The following VCAM1 variants were observed in gnomAD, a reference collection of about 807,000 sequenced individuals.
VCAM1 encodes the protein vascular cell adhesion protein 1.
A neutral mutation model predicts 63.8 loss-of-function variants in VCAM1; 41 were observed. That is an observed-to-expected ratio of 0.64 (90% CI 0.50 to 0.83). The LOEUF is 0.83. VCAM1 is among the 40% of genes least tolerant of loss of function. The pLI, the probability that VCAM1 is intolerant of heterozygous loss-of-function variation, is 0.00. For missense variants in VCAM1, 798 were observed against 875.5 expected (o/e 0.91, Z 1.12); for synonymous variants, 338 against 320.7 (o/e 1.05, Z -0.58).
rs1174656904 is a variant in VCAM1, at chr1:100,734,755, A to C, written c.2046A>C (p.Thr682=). The C allele has an allele frequency of 1.4e-5, 23 of 1,613,628 alleles. No individual in the cohort carries two copies. The highest frequency in any genetic ancestry group is 1.9e-5 in the Non-Finnish European group (23 of 1,179,734). The part of the protein sequence containing the change: ...NKVGSQLRSL[T]LDVQGRENNK... Reference sequence around the variant, plus strand: ...TTGGCTCACAATTAAGAAGTTTAACACTTGATGTTCAAGGTGAGTTTGTTT... The same window carrying C: ...TTGGCTCACAATTAAGAAGTTTAACCCTTGATGTTCAAGGTGAGTTTGTTT... The change falls in exon 8 of 9, where the codon ACA becomes ACC. Residue 682 remains threonine (T), a synonymous_variant. Coordinates refer to ENST00000294728, the MANE Select transcript of VCAM1 (RefSeq NM_001078.4).
At position 100,734,677 on chromosome 1, in the gene VCAM1, A is replaced by C; in HGVS notation, c.1968A>C (p.Arg656=). 3 of 1,614,018 alleles carry C rather than the reference A, an allele frequency of 1.9e-6. No individual in the cohort carries two copies. Among genetic ancestry groups the C allele is most frequent in the Non-Finnish European group, 2.5e-6 (3 of 1,179,932 alleles). ...LKSIDGAYTI[R]KAQLKDAGVY... is the part of the protein sequence containing the mutation. ...CTATAGATGGCGCCTATACCATCCG[A>C]AAGGCCCAGTTGAAGGATGCGGGAG... Residue 656 remains arginine, a synonymous_variant, in exon 8 of 9, where the codon CGA becomes CGC. Coordinates refer to ENST00000294728, the MANE Select transcript of VCAM1 (RefSeq NM_001078.4).
In VCAM1 at chr1:100,734,625, C is replaced by G; in HGVS notation, c.1916C>G (p.Ala639Gly). The G allele has an allele frequency of 1.2e-6, 2 of 1,613,860 alleles. No individual in the cohort carries two copies. Among genetic ancestry groups the G allele is most frequent in the South Asian group, 1.1e-5 (1 of 91,072 alleles). The change falls in exon 8 of 9, where the codon GCG becomes GGG. Residue 639 changes from alanine (A) to glycine (G), a missense_variant. Transcript: ENST00000294728. ...ACATGGATAATCCTGAAGAAAAAAG[C>G]GGAGACAGGAGACACAGTACTAAAA... The part of the protein sequence containing the change: ...PETWIILKKK[A>G]ETGDTVLKSI...
chr1:100,728,148 G>A lies in VCAM1; in HGVS notation c.929-959G>A, dbSNP rs3917048. Among the ~76,000 whole-genome samples, 1,003 of 152,116 alleles carry A rather than the reference G, an allele frequency of 6.6e-3. 13 individuals are homozygous for A. The highest frequency in any genetic ancestry group is 0.023 in the African/African-American group (962 of 41,516). ...CCAAAAGAAGCCCATGCACCCAGCCGGGATAGCGCTGATGGCCAAAGAGCA... is the reference window on the plus strand; with the variant it reads ...CCAAAAGAAGCCCATGCACCCAGCCAGGATAGCGCTGATGGCCAAAGAGCA... On this transcript the variant is annotated intron_variant, in intron 4 of 8. Coordinates refer to ENST00000294728, the MANE Select transcript of VCAM1 (RefSeq NM_001078.4).
chr1:100,719,954 T>A, intron 1 of VCAM1, 30 bp downstream of exon 1: 2 of 1,601,278 alleles, frequency 1.2e-6, no homozygotes, highest in Non-Finnish European at 1.7e-6. Context: ...CTGTTTCAAA[T>A]GTTAGCATTC....
chr1:100,738,310 A>G lies in VCAM1; in HGVS notation c.*27A>G, dbSNP rs760550090. 2 of 1,607,762 alleles carry G rather than the reference A, an allele frequency of 1.2e-6. No individual in the cohort carries two copies. The highest frequency in any genetic ancestry group is 2.2e-5 in the East Asian group (1 of 44,722). ...TAATGCTTGATATGTTCAACTGGAGACACTATTTATCTGTGCAAATCCTTG... is the reference window on the plus strand; with the variant it reads ...TAATGCTTGATATGTTCAACTGGAGGCACTATTTATCTGTGCAAATCCTTG... On this transcript the variant is annotated 3_prime_UTR_variant, in exon 9 of 9. Coordinates refer to ENST00000294728, the MANE Select transcript of VCAM1 (RefSeq NM_001078.4).
At chr1:100,733,601 G>T (rs942657492) in intron 7 of VCAM1, among the ~76,000 whole-genome samples, 1 of 152,062 alleles carries the variant, frequency 6.6e-6, no homozygotes, top group Admixed American at 6.6e-5. Flanking sequence ...ACCTTAATAG[G>T]GATTAAAAAT....
At chr1:100,720,000 C>T (rs1002939868) in intron 1 of VCAM1, 76 bp downstream of exon 1, 11 of 1,498,810 alleles carry the variant, frequency 7.3e-6, no homozygotes, top group South Asian at 1.2e-5. Context: ...GTCAGTTTTG[C>T]GATAGTAGTG....
chr1:100,729,470 C>T, intron 5 of VCAM1, 88 bp downstream of exon 5: 2 of 1,430,610 alleles, frequency 1.4e-6, no homozygotes, highest in Non-Finnish European at 9.3e-7. Context: ...GCAATGAAAT[C>T]CTTATGTTTA....
chr1:100,730,397 T>A (rs1660399055), intron 5 of VCAM1, among the ~76,000 whole-genome samples: 1 of 152,152 alleles, frequency 6.6e-6, no homozygotes, highest in African/African-American at 2.4e-5. Flanking sequence ...TAACAACATT[T>A]TGGTTAAGGA....
chr1:100,722,877 A>G (rs764622014), intron 2 of VCAM1, 143 bp from the exon 3 acceptor site: 1 of 934,198 alleles, frequency 1.1e-6, no homozygotes, highest in Non-Finnish European at 1.5e-6. Flanking sequence ...ACCCCAAATC[A>G]TGAAAGGCTA....
rs1463430244 is a variant in VCAM1, at chr1:100,734,580, C to T, written c.1871C>T (p.Thr624Ile). The T allele has an allele frequency of 1.9e-6, 3 of 1,613,854 alleles. No individual in the cohort carries two copies. Among genetic ancestry groups the T allele is most frequent in the Non-Finnish European group, 1.7e-6 (2 of 1,179,866 alleles). ...GGAGACACTGTCATCATCTCTTGTA[C>T]ATGTGGAAATGTTCCAGAAACATGG... ...KEGDTVIISC[T>I]CGNVPETWII... The change falls in exon 8 of 9, where the codon ACA becomes ATA. Residue 624 changes from threonine to isoleucine, a missense_variant. Coordinates refer to ENST00000294728, the MANE Select transcript of VCAM1 (RefSeq NM_001078.4).
Position 100,734,625 on chromosome 1 carries a change from C to T in VCAM1, c.1916C>T (p.Ala639Val), listed in dbSNP as rs369761581. Residue 639 changes from alanine (A) to valine (V), a missense_variant, in exon 8 of 9, where the codon GCG becomes GTG. Transcript: ENST00000294728. ...PETWIILKKKAETGDTVLKSI... is the reference protein window; with the variant it reads ...PETWIILKKKVETGDTVLKSI... ...ACATGGATAATCCTGAAGAAAAAAG[C>T]GGAGACAGGAGACACAGTACTAAAA... 45 of 1,613,742 alleles carry T rather than the reference C, an allele frequency of 2.8e-5. No homozygotes were observed. The highest frequency in any genetic ancestry group is 3.4e-5 in the Non-Finnish European group (40 of 1,179,878).
intron 7 of VCAM1, among the ~76,000 whole-genome samples, chr1:100,733,707 T>C: frequency 6.6e-6 from 1 of 152,164 alleles, no homozygotes; most frequent in East Asian, 1.9e-4. Context: ...TAAATGGCAG[T>C]AGTATTGTTA....
At chr1:100,728,123 C>G (rs1660241758) in intron 4 of VCAM1, among the ~76,000 whole-genome samples, 1 of 152,042 alleles carries the variant, frequency 6.6e-6, no homozygotes, top group Non-Finnish European at 1.5e-5. Context: ...TAGCAGTCAT[C>G]CAAAAGAAGC....
At position 100,723,087 on chromosome 1, in the gene VCAM1, G is replaced by A. The variant is rs775323882; in HGVS notation, c.408G>A (p.Lys136=). The change falls in exon 3 of 9, where the codon AAG becomes AAA. Residue 136 remains lysine (K), a synonymous_variant. Coordinates refer to ENST00000294728, the MANE Select transcript of VCAM1 (RefSeq NM_001078.4). ...PLEAGKPITV[K]CSVADVYPFD... ...AGGCTGGGAAGCCGATCACAGTCAA[G>A]TGTTCAGTTGCTGATGTATACCCAT... The A allele has an allele frequency of 5.0e-6, 8 of 1,612,988 alleles. No homozygotes were observed. Among genetic ancestry groups the A allele is most frequent in the Non-Finnish European group, 5.9e-6 (7 of 1,179,410 alleles).
chr1:100,734,001 C>T (rs986988368), intron 7 of VCAM1, among the ~76,000 whole-genome samples: 1 of 152,134 alleles, frequency 6.6e-6, no homozygotes, highest in Non-Finnish European at 1.5e-5. Flanking sequence ...AATGTGCAAT[C>T]ATGGCAGAGG....
At chr1:100,733,796 G>A (rs1660551481) in intron 7 of VCAM1, among the ~76,000 whole-genome samples, 1 of 152,086 alleles carries the variant, frequency 6.6e-6, no homozygotes. Context: ...AACCTGTAAA[G>A]GCCTTTGTAC....
chr1:100,731,163 C>G lies in VCAM1; in HGVS notation c.1205-35C>G. On this transcript the variant is annotated intron_variant, in intron 5 of 8. Transcript: ENST00000294728. The surrounding 1 kb of genome is among the most constrained non-coding windows in gnomAD (Gnocchi z 4.2). ...CTTAGCTCAATTTTTCCTTGAATATCAAGAATAAAAATCGTTTTTGCTTGC... is the reference window on the plus strand; with the variant it reads ...CTTAGCTCAATTTTTCCTTGAATATGAAGAATAAAAATCGTTTTTGCTTGC... 1 of 1,550,806 alleles carries G rather than the reference C, an allele frequency of 6.4e-7. No homozygotes were observed. The highest frequency in any genetic ancestry group is 8.7e-7 in the Non-Finnish European group (1 of 1,152,104).
intron 1 of VCAM1, 138 bp downstream of exon 1, chr1:100,720,062 T>G (rs1226947819): frequency 3.4e-6 from 3 of 894,120 alleles, no homozygotes; most frequent in Admixed American, 5.2e-5. Flanking sequence ...TTAGTCTAAC[T>G]TTTAATATGC....
Sources: gnomAD v4.1 joint callset for allele counts (sites outside exome capture counted in the v4.1 genomes callset) on GRCh38, gnomAD v4.1.1 for gene constraint, Gnocchi (gnomAD v3.1) non-coding constraint, MANE v1.5 for transcripts, NCBI Gene and HGNC (gene_info 2026-07-23, HGNC 2026-07-21) for gene names.